CD6: variants seen among roughly 807,000 people sequenced by gnomAD.
CD6 encodes T-cell differentiation antigen CD6.
A neutral mutation model predicts 75.3 loss-of-function variants in CD6; 53 were observed. That is an observed-to-expected ratio of 0.70 (90% CI 0.56 to 0.88). CD6 has a LOEUF of 0.88. Among genes scored for constraint, CD6 ranks in the 40% least tolerant of loss-of-function variants. The pLI is 0.00. For missense variants in CD6, 770 were observed against 897.1 expected (o/e 0.86, Z 1.81); for synonymous variants, 359 against 381.5 (o/e 0.94, Z 0.69).
intron 1 of CD6, among the ~76,000 whole-genome samples, chr11:60,992,844 T>A (rs1027903031): frequency 6.6e-5 from 10 of 151,038 alleles, no homozygotes; most frequent in African/African-American, 2.2e-4. Context: ...TAAAAAAAAA[T>A]AAAAAAATTA....
In CD6 at chr11:61,007,995, C is replaced by T; in HGVS notation, c.469+85C>T. The T allele has an allele frequency of 1.1e-6, 1 of 927,984 alleles. No individual in the cohort carries two copies. The highest frequency in any genetic ancestry group is 1.4e-6 in the Non-Finnish European group (1 of 692,986). 57.5% of individuals were successfully genotyped at this position (927,984 alleles called of 1,614,324 possible). A position where few individuals can be genotyped will look rare whatever the true frequency, so the allele number is the denominator to read the frequency against. ...TGCCCCTGGCTCCAGACCCTGGACG[C>T]AAGCCTCGCCCTCCAGACCTCCACC... On this transcript the variant is annotated intron_variant, in intron 3 of 12. Transcript: ENST00000313421. This position sits in a 1 kb window ranked among gnomAD's most constrained non-coding sequence, Gnocchi z 4.2.
chr11:60,987,461 G>A (rs967474726), intron 1 of CD6, among the ~76,000 whole-genome samples: 1 of 152,126 alleles, frequency 6.6e-6, no homozygotes, highest in Non-Finnish European at 1.5e-5. Context: ...CTGGGGTACT[G>A]GAAATTAGGA....
rs1859572084 is a variant in CD6 at position 61,019,371 on chromosome 11, C to G, written c.*53C>G. 7 of 1,404,522 alleles carry G rather than the reference C, an allele frequency of 5.0e-6. No individual in the cohort carries two copies. The highest frequency in any genetic ancestry group is 4.2e-5 in the African/African-American group (3 of 70,744). The allele number at this position is 1,404,522 out of a possible 1,614,324, so 87.0% of individuals were successfully genotyped here. On this transcript the variant is annotated 3_prime_UTR_variant, in exon 13 of 13. Transcript: ENST00000313421. ...GGCTCTGACCCTCTGGCCTCCTGCT[C>G]TACCTACTCCCTTTCCCCTTTCCCA...
chr11:61,006,825 T>C (rs1007107732), intron 2 of CD6, among the ~76,000 whole-genome samples, 183 bp downstream of exon 2: 1 of 152,162 alleles, frequency 6.6e-6, no homozygotes, highest in Middle Eastern at 3.2e-3. Flanking sequence ...AGAACTACCA[T>C]TTTTGAGAGG....
At chr11:61,015,954 C>T (rs1859384665) in intron 9 of CD6, 119 bp downstream of exon 9, 2 of 1,262,276 alleles carry the variant, frequency 1.6e-6, no homozygotes, top group African/African-American at 3.0e-5. Flanking sequence ...ACAGAATCCC[C>T]CTGGTTACCC....
At chr11:61,016,248 T>G (rs1859400399) in intron 9 of CD6, among the ~76,000 whole-genome samples, 1 of 152,188 alleles carries the variant, frequency 6.6e-6, no homozygotes, top group Non-Finnish European at 1.5e-5. Context: ...CCCCACTCAC[T>G]TCCTCACCTC....
chr11:60,992,444 GT>G (rs1253030323), intron 1 of CD6, among the ~76,000 whole-genome samples: 1 of 152,094 alleles, frequency 6.6e-6, no homozygotes. Flanking sequence ...ACCCAGGCAT[GT>G]TTAATTTCAA....
At position 61,017,868 on chromosome 11, in the gene CD6, G is replaced by A. The variant is rs763787826; in HGVS notation, c.1692G>A (p.Ser564=). The change falls in exon 11 of 13, where the codon TCG becomes TCA. Residue 564 remains serine (S), a synonymous_variant. Transcript: ENST00000313421. ...PQYHPRSNSE[S]STSSGEDYCN... ...ATCACCCGAGGAGCAACAGTGAGTC[G>A]AGCACCTCTTCAGGGGAGGATTACT... The A allele has an allele frequency of 1.5e-5, 24 of 1,613,916 alleles. No individual in the cohort carries two copies. The highest frequency in any genetic ancestry group is 5.5e-5 in the South Asian group (5 of 91,078).
chr11:60,989,780 T>A (rs1477602324), intron 1 of CD6, among the ~76,000 whole-genome samples: 1 of 152,204 alleles, frequency 6.6e-6, no homozygotes, highest in Non-Finnish European at 1.5e-5. Context: ...GGGGCTCTAT[T>A]GTCCCAGAAA....
chr11:60,977,936 A>G lies in CD6; in HGVS notation c.49+6022A>G, dbSNP rs138085708. ...GTGAAAATAAACATAATGGAAATAA[A>G]ACAATGTTACTAAATTCTAGCCAGA... On this transcript the variant is annotated intron_variant, in intron 1 of 12. Coordinates refer to ENST00000313421, the MANE Select transcript of CD6 (RefSeq NM_006725.5). Among the ~76,000 whole-genome samples, 326 of 152,336 alleles carry G rather than the reference A, an allele frequency of 2.1e-3. 3 individuals are homozygous for G. The highest frequency in any genetic ancestry group is 7.3e-3 in the African/African-American group (304 of 41,568).
At chr11:61,012,312 G>A (rs1646114916) in intron 6 of CD6, among the ~76,000 whole-genome samples, 2 of 152,156 alleles carry the variant, frequency 1.3e-5, no homozygotes, top group South Asian at 4.1e-4. Context: ...AGAGATCCAG[G>A]GACCACACCC....
At chr11:61,009,376 C>T (rs1367139988) in intron 4 of CD6, among the ~76,000 whole-genome samples, 196 bp from the exon 5 acceptor site, 2 of 152,264 alleles carry the variant, frequency 1.3e-5, no homozygotes, top group African/African-American at 4.8e-5. Flanking sequence ...TGCTGCTCCA[C>T]AGACCACACT....
At chr11:61,002,036 G>GT (rs1222965510) in intron 1 of CD6, among the ~76,000 whole-genome samples, 1 of 152,142 alleles carries the variant, frequency 6.6e-6, no homozygotes, top group Non-Finnish European at 1.5e-5. Context: ...CACAGAGGGG[G>GT]TTTTTTGGCC....
In CD6 at chr11:61,009,682, G is replaced by A; in HGVS notation, c.892G>A (p.Glu298Lys). Residue 298 changes from glutamate to lysine, a missense_variant, in exon 5 of 13, where the codon GAG becomes AAG. Coordinates refer to ENST00000313421, the MANE Select transcript of CD6 (RefSeq NM_006725.5). ...GTGTGACAGTGAGTGGTACCCATCG[G>A]AGGCCAAGGTGCTCTGCCAGTCCTT... ...TVCDSEWYPS[E>K]AKVLCQSLGC... The A allele has an allele frequency of 6.2e-7, 1 of 1,614,094 alleles. No individual in the cohort carries two copies. Among genetic ancestry groups the A allele is most frequent in the Non-Finnish European group, 8.5e-7 (1 of 1,180,020 alleles).
intron 1 of CD6, among the ~76,000 whole-genome samples, chr11:61,001,198 CTTTT>C (rs143567183): frequency 9.1e-6 from 1 of 110,332 alleles, no homozygotes; most frequent in South Asian, 3.0e-4. Flanking sequence ...GATGATGTGT[CTTTT>C]TTTTTTTTTT....
In CD6 at chr11:60,977,190, A is replaced by C. The variant is rs1020298540; in HGVS notation, c.49+5276A>C. ...ATTTATTATATTTATAGAACACTCA[A>C]GAATTAAATTCAGTACCCAGCTGTT... On this transcript the variant is annotated intron_variant, in intron 1 of 12. Coordinates refer to ENST00000313421, the MANE Select transcript of CD6 (RefSeq NM_006725.5). Among the ~76,000 whole-genome samples the C allele has an allele frequency of 3.9e-5, 6 of 152,334 alleles. No homozygotes were observed. In the East Asian group the frequency reaches 1.2e-3, roughly 29 times the overall value.
At chr11:60,998,623 TG>T (rs1858415450) in intron 1 of CD6, among the ~76,000 whole-genome samples, 1 of 152,130 alleles carries the variant, frequency 6.6e-6, no homozygotes, top group Non-Finnish European at 1.5e-5. Flanking sequence ...AATTCTTCCC[TG>T]GGAATGAGTA....
chr11:60,984,743 G>T (rs910605494), intron 1 of CD6, among the ~76,000 whole-genome samples: 1 of 152,238 alleles, frequency 6.6e-6, no homozygotes, highest in Admixed American at 6.5e-5. Context: ...CCTCGGAGGG[G>T]ATATAGACCT....
intron 1 of CD6, among the ~76,000 whole-genome samples, chr11:60,992,663 A>G (rs1183063747): frequency 1.3e-5 from 2 of 151,882 alleles, no homozygotes; most frequent in Admixed American, 6.6e-5. Flanking sequence ...CCCGGTCTCT[A>G]CTAAAAATAC....
Sources: allele counts gnomAD v4.1 joint callset (sites outside exome capture counted in the v4.1 genomes callset), GRCh38; gene constraint gnomAD v4.1.1; non-coding constraint Gnocchi (gnomAD v3.1); transcripts MANE v1.5; gene names NCBI Gene and HGNC (gene_info 2026-07-23, HGNC 2026-07-21).